EPHA6: variants seen among roughly 807,000 people sequenced by gnomAD.
EPHA6 encodes ephrin type-A receptor 6.
A neutral mutation model predicts 112.0 loss-of-function variants in EPHA6; 50 were observed. The observed-to-expected ratio is 0.45, with a 90% CI of 0.36 to 0.56. The LOEUF (loss-of-function observed/expected upper bound fraction) is 0.56, where lower values mean the gene tolerates loss of function less well. Among genes scored for constraint, EPHA6 ranks in the 20% least tolerant of loss-of-function variants. The pLI is 0.00. For synonymous variants in EPHA6, 529 were observed against 490.7 expected (o/e 1.08, Z -1.03); for missense variants, 1,280 against 1,417.4 (o/e 0.90, Z 1.56).
chr3:96,914,296 T>C (rs567261316), intron 2 of EPHA6, among the ~76,000 whole-genome samples: 1 of 152,282 alleles, frequency 6.6e-6, no homozygotes, highest in African/African-American at 2.4e-5. Context: ...ATTGTCTTGA[T>C]TAATGACAAG....
At chr3:97,569,133 T>A (rs2093304750) in intron 11 of EPHA6, among the ~76,000 whole-genome samples, 1 of 152,078 alleles carries the variant, frequency 6.6e-6, no homozygotes, top group African/African-American at 2.4e-5. Context: ...CCTACTAAAG[T>A]TCTGGTCAAA....
chr3:97,746,218 A>C (rs1004111568), intron 16 of EPHA6, among the ~76,000 whole-genome samples: 7 of 151,836 alleles, frequency 4.6e-5, no homozygotes, highest in African/African-American at 1.7e-4. Context: ...ACTTCTAATA[A>C]GGAAGTTTTT....
At chr3:97,612,921 A>G (rs981110745) in intron 13 of EPHA6, among the ~76,000 whole-genome samples, 4 of 152,136 alleles carry the variant, frequency 2.6e-5, no homozygotes, top group Non-Finnish European at 4.4e-5. Context: ...TCAAGTCTCT[A>G]TGACTCAAAA....
chr3:97,415,753 A>T (rs1479443982), intron 6 of EPHA6, among the ~76,000 whole-genome samples: 2 of 152,122 alleles, frequency 1.3e-5, no homozygotes, highest in African/African-American at 4.8e-5. Context: ...GATAAATTAA[A>T]TGATCAGTAA....
chr3:97,438,258 A>G (rs1432220390), intron 6 of EPHA6, among the ~76,000 whole-genome samples: 2 of 152,312 alleles, frequency 1.3e-5, no homozygotes, highest in East Asian at 3.9e-4. Flanking sequence ...AATATCAAGA[A>G]TATGTATTAA....
chr3:97,128,746 C>T (rs1378875055), intron 3 of EPHA6, among the ~76,000 whole-genome samples: 1 of 152,130 alleles, frequency 6.6e-6, no homozygotes, highest in Non-Finnish European at 1.5e-5. Context: ...TCTCAAACTC[C>T]TGGCCTCAAG....
At chr3:97,517,733 C>T (rs1482389455) in intron 10 of EPHA6, among the ~76,000 whole-genome samples, 3 of 152,066 alleles carry the variant, frequency 2.0e-5, no homozygotes, top group Admixed American at 1.3e-4. Flanking sequence ...TTGATCAACA[C>T]CTTCCCTTTC....
chr3:97,335,225 C>T lies in EPHA6; in HGVS notation c.1607-69925C>T, dbSNP rs1012086663. Among the ~76,000 whole-genome samples the T allele has an allele frequency of 1.7e-4, 26 of 152,168 alleles. No homozygotes were observed. In the Middle Eastern group the frequency reaches 0.01, roughly 60 times the overall value. On this transcript the variant is annotated intron_variant, in intron 5 of 17. Coordinates refer to ENST00000389672, the MANE Select transcript of EPHA6 (RefSeq NM_001080448.3). ...TTATAAGAAGAGAAACCACAAAGAG[C>T]GTGCTTTCTCTTTTTTTCTTTCTGT...
At chr3:97,461,617 T>C (rs2090891358) in intron 7 of EPHA6, among the ~76,000 whole-genome samples, 1 of 152,212 alleles carries the variant, frequency 6.6e-6, no homozygotes, top group Non-Finnish European at 1.5e-5. Context: ...TTCTTTACCT[T>C]CTTGCATATA....
chr3:96,884,364 T>G (rs1333935326), intron 2 of EPHA6, among the ~76,000 whole-genome samples: 1 of 152,222 alleles, frequency 6.6e-6, no homozygotes, highest in Non-Finnish European at 1.5e-5. Context: ...GGGATGTGTT[T>G]CCATTCATTT....
At position 97,335,644 on chromosome 3, in the gene EPHA6, G is replaced by T. The variant is rs562355687; in HGVS notation, c.1607-69506G>T. On this transcript the variant is annotated intron_variant, in intron 5 of 17. Transcript: ENST00000389672. ...ATCTTCAAAACGTGAATCTGGGAGG[G>T]ACACAATTCTGTCCATAGCAGTGTA... Among the ~76,000 whole-genome samples, 292 of 152,194 alleles carry T rather than the reference G, an allele frequency of 1.9e-3. 1 individual carries two copies. Among genetic ancestry groups the T allele is most frequent in the African/African-American group, 6.8e-3 (281 of 41,558 alleles).
At chr3:97,304,384 T>C (rs1027855330) in intron 5 of EPHA6, among the ~76,000 whole-genome samples, 3 of 151,842 alleles carry the variant, frequency 2.0e-5, no homozygotes, top group Non-Finnish European at 2.9e-5. Context: ...TTCACAAAAT[T>C]AGGAAAACTA....
At chr3:96,946,563 C>T (rs1395323012) in intron 2 of EPHA6, among the ~76,000 whole-genome samples, 1 of 152,124 alleles carries the variant, frequency 6.6e-6, no homozygotes, top group Non-Finnish European at 1.5e-5. Context: ...TTTTCTTAAT[C>T]CAGTCTATCA....
intron 5 of EPHA6, among the ~76,000 whole-genome samples, chr3:97,369,414 T>G (rs1439434439): frequency 6.6e-6 from 1 of 152,164 alleles, no homozygotes; most frequent in Non-Finnish European, 1.5e-5. Context: ...ATGTATTTTG[T>G]TAGTAGACCT....
At chr3:97,596,875 AATATATATATAT>A (rs62670860) in intron 12 of EPHA6, among the ~76,000 whole-genome samples, 2,033 of 100,376 alleles carry the variant, frequency 0.02, 139 homozygotes, top group Admixed American at 0.13. Flanking sequence ...ATATCTATGG[AATATATATATAT>A]ATATATATAT....
At chr3:97,659,113 G>A (rs762775566) in intron 14 of EPHA6, among the ~76,000 whole-genome samples, 2 of 152,074 alleles carry the variant, frequency 1.3e-5, no homozygotes, top group South Asian at 2.1e-4. Context: ...ATTTAACTGC[G>A]AAGTTTCCCA....
chr3:97,069,392 A>G (rs536472599), intron 3 of EPHA6, among the ~76,000 whole-genome samples: 8 of 152,262 alleles, frequency 5.3e-5, no homozygotes, highest in Admixed American at 1.3e-4. Flanking sequence ...TCTCAGAGGT[A>G]ACAGAGTTGG....
At chr3:97,566,831 C>T (rs1176755072) in intron 11 of EPHA6, among the ~76,000 whole-genome samples, 1 of 152,138 alleles carries the variant, frequency 6.6e-6, no homozygotes, top group Non-Finnish European at 1.5e-5. Context: ...TAAACATCTA[C>T]CCTATTCAAT....
intron 5 of EPHA6, among the ~76,000 whole-genome samples, chr3:97,354,486 G>T (rs1156516534): frequency 6.6e-6 from 1 of 151,962 alleles, no homozygotes; most frequent in Non-Finnish European, 1.5e-5. Context: ...ATGCATCAGA[G>T]TCTCTCAACA....
Sources: gnomAD v4.1 joint callset for allele counts (sites outside exome capture counted in the v4.1 genomes callset) on GRCh38, gnomAD v4.1.1 for gene constraint, MANE v1.5 for transcripts, NCBI Gene and HGNC (gene_info 2026-07-23, HGNC 2026-07-21) for gene names.